The following CSNK2A2IP variants were observed in gnomAD, a reference collection of about 807,000 sequenced individuals.
CSNK2A2IP encodes casein kinase 2 subunit alpha' interacting protein.
chr3:88,452,309 G>GA, the CSNK2A2IP span, among the ~76,000 whole-genome samples: 1 of 151,806 alleles, frequency 6.6e-6, no homozygotes, highest in South Asian at 2.1e-4. Context: ...AATTAAAAGC[G>GA]AAAAAATTAT....
At chr3:88,396,395 G>T in the CSNK2A2IP span, among the ~76,000 whole-genome samples, 1 of 152,008 alleles carries the variant, frequency 6.6e-6, no homozygotes, top group East Asian at 1.9e-4. Flanking sequence ...GTGAGCCACC[G>T]CGCCCGGCCG....
At chr3:88,351,477 C>CA in the CSNK2A2IP span, among the ~76,000 whole-genome samples, 4 of 151,784 alleles carry the variant, frequency 2.6e-5, no homozygotes, top group African/African-American at 4.8e-5. Context: ...AAGCCCAAAA[C>CA]AAAAAAGTTA....
the CSNK2A2IP span, among the ~76,000 whole-genome samples, chr3:88,415,907 A>G: frequency 6.6e-6 from 1 of 152,148 alleles, no homozygotes; most frequent in African/African-American, 2.4e-5. Flanking sequence ...GATGTCCTAA[A>G]GTGAATCTTT....
the CSNK2A2IP span, among the ~76,000 whole-genome samples, chr3:88,390,020 C>T: frequency 6.6e-5 from 10 of 152,052 alleles, no homozygotes; most frequent in African/African-American, 9.7e-5. Context: ...AATGTAAAAA[C>T]GGCTCGTCAG....
the CSNK2A2IP span, among the ~76,000 whole-genome samples, chr3:88,402,926 T>C: frequency 1.3e-5 from 2 of 152,030 alleles, no homozygotes; most frequent in Admixed American, 6.6e-5. Context: ...ATCTGAGTGG[T>C]GGGTACAAGG....
At chr3:88,361,459 T>G in the CSNK2A2IP span, among the ~76,000 whole-genome samples, 1 of 152,194 alleles carries the variant, frequency 6.6e-6, no homozygotes, top group Admixed American at 6.5e-5. Context: ...GCCTGTAGGT[T>G]TTCCACTGAG....
At chr3:88,450,780 C>T in the CSNK2A2IP span, among the ~76,000 whole-genome samples, 2 of 152,018 alleles carry the variant, frequency 1.3e-5, no homozygotes, top group Non-Finnish European at 2.9e-5. Context: ...ATTTTCACAG[C>T]TTTGCTATTG....
the CSNK2A2IP span, among the ~76,000 whole-genome samples, chr3:88,443,345 A>G: frequency 6.6e-6 from 1 of 152,202 alleles, no homozygotes; most frequent in Non-Finnish European, 1.5e-5. Flanking sequence ...AGAAAACAAA[A>G]ACGATGAGCT....
the CSNK2A2IP span, among the ~76,000 whole-genome samples, chr3:88,422,928 G>T: frequency 7.2e-5 from 11 of 152,034 alleles, no homozygotes; most frequent in South Asian, 2.3e-3. Context: ...TAGTTTTTTT[G>T]TAATTGAGAT....
the CSNK2A2IP span, among the ~76,000 whole-genome samples, chr3:88,401,284 A>G: frequency 6.6e-6 from 1 of 152,228 alleles, no homozygotes; most frequent in South Asian, 2.1e-4. Flanking sequence ...TGTCTTCTTT[A>G]TAATTTTCAA....
At chr3:88,444,943 G>C in the CSNK2A2IP span, among the ~76,000 whole-genome samples, 11 of 152,060 alleles carry the variant, frequency 7.2e-5, no homozygotes, top group Admixed American at 4.6e-4. Flanking sequence ...TGTCACTGCT[G>C]TTTTAAACCT....
chr3:88,363,650 G>T, the CSNK2A2IP span, among the ~76,000 whole-genome samples: 2 of 152,132 alleles, frequency 1.3e-5, no homozygotes, highest in Admixed American at 6.6e-5. Context: ...GATATGTTTT[G>T]TATTTCTATA....
At chr3:88,416,100 G>C in the CSNK2A2IP span, among the ~76,000 whole-genome samples, 1 of 151,512 alleles carries the variant, frequency 6.6e-6, no homozygotes, top group Non-Finnish European at 1.5e-5. Context: ...GTGAAATCCC[G>C]TCTCTACTAA....
chr3:88,380,512 T>C, the CSNK2A2IP span, among the ~76,000 whole-genome samples: 1 of 151,762 alleles, frequency 6.6e-6, no homozygotes, highest in Non-Finnish European at 1.5e-5. Context: ...ATATCATTTA[T>C]TAAGATCACT....
the CSNK2A2IP span, chr3:88,466,171 C>A: frequency 2.4e-6 from 3 of 1,231,546 alleles, no homozygotes; most frequent in South Asian, 4.1e-5. Context: ...TCTTACCTCT[C>A]CATTACTTGA....
At chr3:88,461,468 G>A in the CSNK2A2IP span, among the ~76,000 whole-genome samples, 2 of 152,130 alleles carry the variant, frequency 1.3e-5, no homozygotes, top group South Asian at 4.1e-4. Context: ...CAGGAGAATG[G>A]CGTGAACCTG....
At chr3:88,456,709 T>A in the CSNK2A2IP span, among the ~76,000 whole-genome samples, 1 of 151,274 alleles carries the variant, frequency 6.6e-6, no homozygotes, top group Non-Finnish European at 1.5e-5. Flanking sequence ...CATTTGAAAA[T>A]ACTGATTTTT....
the CSNK2A2IP span, among the ~76,000 whole-genome samples, chr3:88,404,527 T>C: frequency 1.3e-5 from 2 of 152,112 alleles, no homozygotes; most frequent in African/African-American, 4.8e-5. Context: ...CTTTAATCTG[T>C]TTAACACCTC....
At chr3:88,386,293 T>C in the CSNK2A2IP span, among the ~76,000 whole-genome samples, 1 of 152,088 alleles carries the variant, frequency 6.6e-6, no homozygotes, top group African/African-American at 2.4e-5. Context: ...CCCAGCTAAT[T>C]TTTTGTATTT....
Sources: gnomAD v4.1 joint callset for allele counts (sites outside exome capture counted in the v4.1 genomes callset) on GRCh38, gnomAD v4.1.1 for gene constraint, MANE v1.5 for transcripts, NCBI Gene and HGNC (gene_info 2026-07-23, HGNC 2026-07-21) for gene names.